Variants in VPS13C observed in about 807,000 individuals in gnomAD.
VPS13C encodes intermembrane lipid transfer protein VPS13C.
In VPS13C, 358 loss-of-function variants were observed where a neutral mutation model predicts 456.8. That is an observed-to-expected ratio of 0.78 (90% confidence interval 0.72 to 0.86). The LOEUF (loss-of-function observed/expected upper bound fraction) is 0.86, where lower values mean the gene tolerates loss of function less well. Among genes scored for constraint, VPS13C ranks in the 40% least tolerant of loss-of-function variants. The pLI is 0.00. For missense variants in VPS13C, 4,818 were observed against 4,385.4 expected, an observed-to-expected ratio of 1.10 and a Z score of -2.79; for synonymous variants, 1,578 against 1,486.7, an observed-to-expected ratio of 1.06 and a Z score of -1.41.
chr15:61,951,022 A>C lies in VPS13C; in HGVS notation c.4459T>G (p.Ser1487Ala), dbSNP rs774651424. The C allele has an allele frequency of 6.3e-7, 1 of 1,577,562 alleles. No individual in the cohort carries two copies. Among genetic ancestry groups the C allele is most frequent in the Admixed American group, 1.9e-5 (1 of 52,796 alleles). Reference protein sequence around the residue: ...ISMQCFDFTDSKGEPLHIINS... With the variant: ...ISMQCFDFTDAKGEPLHIINS... ...ATAATGTGAAGAGGTTCCCCTTTAG[A>C]GTCTAAAAGAGAAAAAAGACAAAGT... The change falls in exon 40 of 85, where the codon TCT becomes GCT. Residue 1487 changes from serine to alanine, a missense_variant and splice_region_variant. By Grantham distance (99) the Ser-to-Ala change is moderately conservative. Around this residue, in one of 3 missense-constraint regions of VPS13C, gnomAD observed 4,552 missense variants for 4,130.6 expected, o/e 1.10. Transcript: ENST00000644861.
At chr15:62,059,655 G>T (rs1334946275) in intron 1 of VPS13C, among the ~76,000 whole-genome samples, 1 of 152,116 alleles carries the variant, frequency 6.6e-6, no homozygotes, top group Non-Finnish European at 1.5e-5. Flanking sequence ...TCTTCGTATT[G>T]ACGGAAAAGT....
chr15:62,010,418 A>G, intron 13 of VPS13C, 54 bp downstream of exon 13: 1 of 1,451,574 alleles, frequency 6.9e-7, no homozygotes. Flanking sequence ...TCACAAATAA[A>G]AGCAGTCAAG....
chr15:61,881,154 T>C (rs1444065606), intron 71 of VPS13C, among the ~76,000 whole-genome samples, 200 bp from the exon 72 acceptor site: 1 of 152,114 alleles, frequency 6.6e-6, no homozygotes, highest in East Asian at 1.9e-4. Context: ...TACTGCTGCA[T>C]TAACACTTAG....
chr15:61,856,640 A>G (rs1171800315), intron 82 of VPS13C: 2 of 348,178 alleles, frequency 5.7e-6, no homozygotes, highest in Non-Finnish European at 5.1e-6. Context: ...CCTTCTGTCA[A>G]TCTTGCAGAA....
chr15:61,994,883 G>A (rs990540072), intron 16 of VPS13C, among the ~76,000 whole-genome samples: 1 of 151,994 alleles, frequency 6.6e-6, no homozygotes, highest in African/African-American at 2.4e-5. Context: ...CCATCACATC[G>A]GCCTCTATTC....
intron 6 of VPS13C, among the ~76,000 whole-genome samples, chr15:62,025,206 G>A (rs12591155): frequency 6.6e-6 from 1 of 151,626 alleles, no homozygotes; most frequent in Non-Finnish European, 1.5e-5. Flanking sequence ...TATGTGAAAT[G>A]GAGCTTGAAA....
rs1378822302 is a variant in VPS13C at position 61,909,145 on chromosome 15, A to T, written c.8845-20T>A. 3 of 1,504,164 alleles carry T rather than the reference A, an allele frequency of 2.0e-6. No homozygotes were observed. Among genetic ancestry groups the T allele is most frequent in the Middle Eastern group, 1.7e-4 (1 of 5,872 alleles). The allele number at this position is 1,504,164 out of a possible 1,614,324, so 93.2% of individuals were successfully genotyped here. A position where few individuals can be genotyped will look rare whatever the true frequency, so the allele number is the denominator to read the frequency against. On this transcript the variant is annotated intron_variant, in intron 64 of 84. Coordinates refer to ENST00000644861, the MANE Select transcript of VPS13C (RefSeq NM_020821.3). ...CCCATTCTATTGTAGAAAAAAAAAA[A>T]GTATGTTTGATGTACTGGTTTAATC...
At chr15:61,915,480 T>C (rs1413589260) in intron 61 of VPS13C, among the ~76,000 whole-genome samples, 153 bp downstream of exon 61, 1 of 152,196 alleles carries the variant, frequency 6.6e-6, no homozygotes. Context: ...GTTCCTAACA[T>C]CCCACTTGAT....
At chr15:61,963,787 G>T (rs2045291054) in intron 32 of VPS13C, 48 bp downstream of exon 32, 4 of 1,358,930 alleles carry the variant, frequency 2.9e-6, no homozygotes, top group Non-Finnish European at 4.2e-6. Flanking sequence ...ACAAAAAGAA[G>T]GAAAAGTTTA....
chr15:61,983,844 C>G lies in VPS13C; in HGVS notation c.1890G>C (p.Gln630His). 1.2e-6 allele frequency: 2 copies of G among 1,614,096 alleles called. No homozygotes were observed. The highest frequency in any genetic ancestry group is 8.5e-7 in the Non-Finnish European group (1 of 1,179,986). ...PADQTLIVQS[Q>H]PVEVIYDAKT... Reference sequence around the variant, plus strand: ...CAGCATCATAGATGACCTCCACAGGCTGGGACTGAACAATCAGAGTCTGGT... The same window carrying G: ...CAGCATCATAGATGACCTCCACAGGGTGGGACTGAACAATCAGAGTCTGGT... The change falls in exon 20 of 85, where the codon CAG becomes CAC. Residue 630 changes from glutamine to histidine, a missense_variant. This residue lies in a region of VPS13C where 4,552 missense variants were observed against 4,130.6 expected (regional missense o/e 1.10). Coordinates refer to ENST00000644861, the MANE Select transcript of VPS13C (RefSeq NM_020821.3).
chr15:61,887,091 A>C (rs1193572063), intron 67 of VPS13C, among the ~76,000 whole-genome samples: 1 of 152,152 alleles, frequency 6.6e-6, no homozygotes, highest in Non-Finnish European at 1.5e-5. Flanking sequence ...CTGGGAGTGA[A>C]GAAATAAAGT....
rs1471385373 is a variant in VPS13C, at chr15:62,020,547, G to C, written c.625-9C>G. 6.2e-7 allele frequency: 1 copy of C among 1,610,760 alleles called. No individual in the cohort carries two copies. Among genetic ancestry groups the C allele is most frequent in the Admixed American group, 1.7e-5 (1 of 59,606 alleles). ...CGCTTTGGATCAGTGACCTACCAAA[G>C]AAGAAAAGATAACAGTAAAATATGC... On this transcript the variant is annotated splice_polypyrimidine_tract_variant and intron_variant, in intron 8 of 84. Transcript: ENST00000644861.
At chr15:61,929,431 T>C (rs757819360) in intron 51 of VPS13C, 70 bp downstream of exon 51, 72 of 1,526,694 alleles carry the variant, frequency 4.7e-5, no homozygotes, top group Non-Finnish European at 6.1e-5. Context: ...TTTTCATTTC[T>C]CTTTTTTCTG....
chr15:61,881,461 T>C (rs1895842144), intron 71 of VPS13C, 102 bp downstream of exon 71: 1 of 1,219,166 alleles, frequency 8.2e-7, no homozygotes, highest in Non-Finnish European at 1.1e-6. Context: ...AGCTGGAAAA[T>C]ACTTTTTACA....
At chr15:61,910,947 A>G (rs1223730939) in intron 63 of VPS13C, among the ~76,000 whole-genome samples, 2 of 152,198 alleles carry the variant, frequency 1.3e-5, no homozygotes, top group African/African-American at 2.4e-5. Context: ...AAAAAAAAAT[A>G]AGCACTTACT....
intron 65 of VPS13C, among the ~76,000 whole-genome samples, chr15:61,907,693 G>C (rs1441661573): frequency 6.6e-6 from 1 of 152,202 alleles, no homozygotes; most frequent in African/African-American, 2.4e-5. Context: ...TGTGGAAATG[G>C]CTGTGAAGAG....
Position 61,878,665 on chromosome 15 carries a change from TG to T in VPS13C, c.10083del (p.Asn3362ThrfsTer4). On this transcript the variant is annotated frameshift_variant, in exon 74 of 85. Transcript: ENST00000644861. LOFTEE classifies it high-confidence loss of function. ...EKQEMFAVHS[V>X]NLLLKSIGAT... Reference sequence around the variant, plus strand: ...GCACCTATGCTTTTCAACAGCAAGTTGACAGAATGAACTGCAAACATTTCCT... The same window carrying T: ...GCACCTATGCTTTTCAACAGCAAGTTACAGAATGAACTGCAAACATTTCCT... The T allele has an allele frequency of 6.2e-7, 1 of 1,611,888 alleles. No individual in the cohort carries two copies. Among genetic ancestry groups the T allele is most frequent in the Non-Finnish European group, 8.5e-7 (1 of 1,178,910 alleles).
Position 61,967,410 on chromosome 15 carries a change from A to G in VPS13C, c.2949T>C (p.Ser983=). 1.2e-6 allele frequency: 2 copies of G among 1,606,486 alleles called. No individual in the cohort carries two copies. Among genetic ancestry groups the G allele is most frequent in the East Asian group, 2.3e-5 (1 of 44,400 alleles). ...KRKPLHLISS[S]DKPGLDLLKV... ...TCAAAAGATCTAATCCAGGTTTGTC[A>G]GAAGAGCTAATCAAGTGAAGGGGCT... Residue 983 remains serine (S), a synonymous_variant, in exon 29 of 85, where the codon TCT becomes TCC. Transcript: ENST00000644861.
intron 48 of VPS13C, chr15:61,935,328 A>C (rs1014000496): frequency 1.3e-5 from 2 of 152,210 alleles, no homozygotes; most frequent in Non-Finnish European, 2.9e-5. Context: ...GTCATACTAT[A>C]GAACAGTCTG....
Sources: allele counts gnomAD v4.1 joint callset (sites outside exome capture counted in the v4.1 genomes callset), GRCh38; gene constraint gnomAD v4.1.1; regional missense constraint gnomAD v4.1.1; transcripts MANE v1.5; gene names NCBI Gene and HGNC (gene_info 2026-07-23, HGNC 2026-07-21).